Variants in MCU observed in about 807,000 individuals in gnomAD.
MCU encodes the protein mitochondrial calcium uniporter, also known as calcium uniporter protein, mitochondrial.
A neutral mutation model predicts 45.2 loss-of-function variants in MCU; 12 were observed. The observed-to-expected ratio is 0.27, with a 90% CI of 0.17 to 0.43. MCU has a LOEUF of 0.43. Ranked by LOEUF, MCU falls within the 20% of genes least tolerant of loss-of-function variation. MCU has a pLI of 1.00. For missense variants in MCU, 324 were observed against 436.7 expected (o/e 0.74, Z 2.30); for synonymous variants, 160 against 165.1 (o/e 0.97, Z 0.24).
chr10:72,696,254 C>T (rs1314220730), intron 1 of MCU, among the ~76,000 whole-genome samples: 2 of 135,758 alleles, frequency 1.5e-5, no homozygotes, highest in African/African-American at 2.8e-5. Flanking sequence ...CTCCTGGACT[C>T]ATCTTCCCAA....
At chr10:72,813,535 T>A (rs1177441437) in intron 1 of MCU, among the ~76,000 whole-genome samples, 1 of 137,240 alleles carries the variant, frequency 7.3e-6, no homozygotes, top group African/African-American at 2.7e-5. Context: ...CTTGTCTCAC[T>A]GCAACTTCCG....
intron 1 of MCU, among the ~76,000 whole-genome samples, chr10:72,725,447 TG>T (rs66565283): frequency 1 from 152,153 of 152,182 alleles, 76,062 homozygotes; most frequent in Middle Eastern, 1. Context: ...AATTTAAAAA[TG>T]TTTTTTATGG....
intron 1 of MCU, 174 bp downstream of exon 1, chr10:72,692,475 G>T (rs113528028): frequency 1.4e-6 from 1 of 706,800 alleles, no homozygotes; most frequent in Non-Finnish European, 1.8e-6. Context: ...GCGGCGACCA[G>T]GAAGGGAGGG....
chr10:72,836,406 C>T (rs1844956913), intron 2 of MCU, among the ~76,000 whole-genome samples: 1 of 151,946 alleles, frequency 6.6e-6, no homozygotes, highest in Admixed American at 6.6e-5. Flanking sequence ...TACTTATTAC[C>T]GTTACTATTA....
At chr10:72,754,934 G>A (rs1328012072) in intron 1 of MCU, among the ~76,000 whole-genome samples, 5 of 152,200 alleles carry the variant, frequency 3.3e-5, no homozygotes, top group Non-Finnish European at 7.3e-5. Flanking sequence ...CACTTCTACA[G>A]AGTTATAACC....
chr10:72,815,447 G>A (rs1306024201), intron 1 of MCU, among the ~76,000 whole-genome samples: 5 of 152,140 alleles, frequency 3.3e-5, no homozygotes, highest in African/African-American at 9.7e-5. Flanking sequence ...AATTGATATC[G>A]AGGCATATTT....
At chr10:72,700,058 A>AAT (rs765091233) in intron 1 of MCU, among the ~76,000 whole-genome samples, 1 of 135,386 alleles carries the variant, frequency 7.4e-6, no homozygotes, top group Non-Finnish European at 1.5e-5. Flanking sequence ...TTGGGGTCAA[A>AAT]TTTTTTTTTT....
At chr10:72,760,160 T>A (rs1843634510) in intron 1 of MCU, among the ~76,000 whole-genome samples, 1 of 152,068 alleles carries the variant, frequency 6.6e-6, no homozygotes, top group Admixed American at 6.6e-5. Context: ...TCTTCCTACC[T>A]CAGCCTCCTG....
chr10:72,812,407 A>G (rs1458725669), intron 1 of MCU, among the ~76,000 whole-genome samples: 1 of 152,178 alleles, frequency 6.6e-6, no homozygotes, highest in East Asian at 1.9e-4. Flanking sequence ...CGGCTTCCCA[A>G]AGTGCTGGGA....
intron 1 of MCU, among the ~76,000 whole-genome samples, chr10:72,788,497 G>A (rs764703660): frequency 1.2e-4 from 19 of 152,278 alleles, no homozygotes; most frequent in Admixed American, 7.2e-4. Flanking sequence ...ATGGTAGTGC[G>A]TGCCTGTAGT....
At chr10:72,782,556 G>A (rs942463293) in intron 1 of MCU, among the ~76,000 whole-genome samples, 4 of 152,082 alleles carry the variant, frequency 2.6e-5, no homozygotes, top group Non-Finnish European at 5.9e-5. Flanking sequence ...ATTTTCAGTA[G>A]AGGCGGGGTT....
At chr10:72,804,776 G>A (rs77802671) in intron 1 of MCU, among the ~76,000 whole-genome samples, 112 of 152,212 alleles carry the variant, frequency 7.4e-4, no homozygotes, top group Middle Eastern at 3.4e-3. Flanking sequence ...CCACGTCTTA[G>A]CCGATAAATT....
In MCU at chr10:72,886,053, C is replaced by T; in HGVS notation, c.*231C>T. 2.3e-6 allele frequency: 1 copy of T among 442,110 alleles called. No homozygotes were observed. Among genetic ancestry groups the T allele is most frequent in the African/African-American group, 2.0e-5 (1 of 49,850 alleles). 27.4% of individuals were successfully genotyped at this position (442,110 alleles called of 1,614,324 possible). On this transcript the variant is annotated 3_prime_UTR_variant, in exon 8 of 8. Transcript: ENST00000373053. ...TGAATATTGTCTTAACCAAGTATCT[C>T]AGTTTCTGGATGAAAATGATGCAGT...
intron 1 of MCU, among the ~76,000 whole-genome samples, chr10:72,768,318 G>A (rs1340955335): frequency 6.6e-6 from 1 of 152,106 alleles, no homozygotes; most frequent in African/African-American, 2.4e-5. Flanking sequence ...ATGGTTTGTA[G>A]TCAATAAGAT....
Position 72,865,932 on chromosome 10 carries a change from A to G in MCU, c.497-2771A>G, listed in dbSNP as rs573682843. Among the ~76,000 whole-genome samples, 5 of 151,672 alleles carry G rather than the reference A, an allele frequency of 3.3e-5. No individual in the cohort carries two copies. The South Asian group carries it at 1.0e-3, about 32-fold the overall frequency. On this transcript the variant is annotated intron_variant, in intron 4 of 7. Transcript: ENST00000373053. ...GCTGGGACTACAGGCGCCTGCCACC[A>G]TGCCTGGCTAATTTTTTTGTATTTT...
At chr10:72,780,511 A>AGTGTGTGTGTGTGTGT (rs60306247) in intron 1 of MCU, among the ~76,000 whole-genome samples, 5,642 of 110,518 alleles carry the variant, frequency 0.051, 307 homozygotes, top group South Asian at 0.076. Context: ...TCTTTGGCTA[A>AGTGTGTGTGTGTGTGT]GTGTGTGTGT....
Position 72,751,627 on chromosome 10 carries a change from A to G in MCU, c.150+59326A>G, listed in dbSNP as rs184925866. Among the ~76,000 whole-genome samples the G allele has an allele frequency of 1.5e-3, 224 of 151,754 alleles. 4 individuals carry two copies. The highest frequency in any genetic ancestry group is 0.012 in the Admixed American group (186 of 15,218). ...CACCTTGGCCTCCCAAAGTGCTGGG[A>G]TTACGGGTGTGAGCCGCTGCACTCC... On this transcript the variant is annotated intron_variant, in intron 1 of 7. Transcript: ENST00000373053.
intron 1 of MCU, among the ~76,000 whole-genome samples, chr10:72,706,900 G>C (rs1445696882): frequency 1.3e-5 from 2 of 148,526 alleles, no homozygotes; most frequent in Non-Finnish European, 3.0e-5. Flanking sequence ...CACAGTCTCA[G>C]CTCACTGAAA....
At chr10:72,804,154 T>C (rs946835181) in intron 1 of MCU, among the ~76,000 whole-genome samples, 1 of 148,310 alleles carries the variant, frequency 6.7e-6, no homozygotes, top group Non-Finnish European at 1.5e-5. Flanking sequence ...TGGCACAGTC[T>C]TGGCTCACTG....
Sources: allele counts gnomAD v4.1 joint callset (sites outside exome capture counted in the v4.1 genomes callset), GRCh38; gene constraint gnomAD v4.1.1; transcripts MANE v1.5; gene names NCBI Gene and HGNC (gene_info 2026-07-23, HGNC 2026-07-21).